ULK4: variants seen among roughly 807,000 people sequenced by gnomAD.
ULK4 encodes the protein inactive serine/threonine-protein kinase ULK4.
Under a neutral mutation model 160.6 loss-of-function variants are expected in ULK4, and 133 were observed. That is an observed-to-expected ratio of 0.83 (90% CI 0.72 to 0.96). ULK4 has a LOEUF of 0.96. Among genes scored for constraint, ULK4 ranks in the 40% least tolerant of loss-of-function variants. ULK4 has a pLI of 0.00. For missense variants in ULK4, 1,580 were observed against 1,499.5 expected, an observed-to-expected ratio of 1.05 and a Z score of -0.89; for synonymous variants, 534 against 539.8, an observed-to-expected ratio of 0.99 and a Z score of 0.15.
At chr3:41,911,781 A>G in intron 9 of ULK4, 122 bp from the exon 10 acceptor site, 1 of 738,298 alleles carries the variant, frequency 1.4e-6, no homozygotes, top group South Asian at 1.7e-5. Flanking sequence ...AAGTTACAGA[A>G]TCTCTTAACT....
Position 41,954,779 on chromosome 3 carries a change from A to G in ULK4, c.-20T>C. ...TTCCATCTCTGGGCCGACTTCTCAC[A>G]TACAATAGAATAACAGCATCTCTAG... On this transcript the variant is annotated 5_prime_UTR_variant, in exon 2 of 37. An upstream start codon of the reference 5' UTR is lost. Transcript: ENST00000301831. 2 of 1,601,212 alleles carry G rather than the reference A, an allele frequency of 1.2e-6. No homozygotes were observed. The highest frequency in any genetic ancestry group is 8.5e-7 in the Non-Finnish European group (1 of 1,174,508).
chr3:41,539,527 G>A (rs943109860), intron 32 of ULK4, among the ~76,000 whole-genome samples: 6 of 136,040 alleles, frequency 4.4e-5, no homozygotes, highest in Non-Finnish European at 9.6e-5. Flanking sequence ...ATAAAATCTA[G>A]AATGTGTCCA....
intron 32 of ULK4, among the ~76,000 whole-genome samples, chr3:41,498,359 T>C (rs2085065699): frequency 6.6e-6 from 1 of 152,118 alleles, no homozygotes; most frequent in Non-Finnish European, 1.5e-5. Flanking sequence ...AAATGAATGA[T>C]AATGAAAACA....
At chr3:41,654,629 G>A (rs1311951519) in intron 30 of ULK4, among the ~76,000 whole-genome samples, 1 of 152,148 alleles carries the variant, frequency 6.6e-6, no homozygotes, top group Non-Finnish European at 1.5e-5. Flanking sequence ...TCAAGAGACT[G>A]ATAAAAGAAG....
At chr3:41,612,502 G>A (rs895338312) in intron 31 of ULK4, among the ~76,000 whole-genome samples, 1 of 152,194 alleles carries the variant, frequency 6.6e-6, no homozygotes, top group African/African-American at 2.4e-5. Flanking sequence ...CTACCCATTA[G>A]TCCTCCAGAC....
chr3:41,378,919 G>C (rs1464575906), intron 35 of ULK4, among the ~76,000 whole-genome samples: 2 of 152,066 alleles, frequency 1.3e-5, no homozygotes, highest in Non-Finnish European at 2.9e-5. Context: ...CATGGATGAA[G>C]CTGGAAACCA....
intron 30 of ULK4, among the ~76,000 whole-genome samples, chr3:41,649,266 G>C (rs1336888644): frequency 1.3e-5 from 2 of 152,196 alleles, no homozygotes; most frequent in African/African-American, 4.8e-5. Flanking sequence ...CCTCTCCAAA[G>C]ATGCCAGCTG....
At chr3:41,304,204 C>T (rs987375193) in intron 35 of ULK4, among the ~76,000 whole-genome samples, 23 of 138,750 alleles carry the variant, frequency 1.7e-4, no homozygotes, top group African/African-American at 6.0e-4. Flanking sequence ...GCCCAGGAGA[C>T]GGAGGTTGCA....
chr3:41,874,556 T>G (rs1361135482), intron 17 of ULK4, among the ~76,000 whole-genome samples: 1 of 152,152 alleles, frequency 6.6e-6, no homozygotes, highest in Non-Finnish European at 1.5e-5. Context: ...TAAAATAAAT[T>G]TTTCAAATTA....
intron 22 of ULK4, among the ~76,000 whole-genome samples, chr3:41,736,753 A>C (rs1241116432): frequency 1.3e-5 from 2 of 151,366 alleles, no homozygotes; most frequent in Non-Finnish European, 2.9e-5. Context: ...TGTTTTAGAC[A>C]TGAAGTCCTT....
At chr3:41,322,637 CACT>C (rs1408500280) in intron 35 of ULK4, among the ~76,000 whole-genome samples, 5 of 152,176 alleles carry the variant, frequency 3.3e-5, no homozygotes, top group Admixed American at 6.5e-5. Context: ...TTCCCACAAA[CACT>C]AATGTTTGAG....
intron 17 of ULK4, among the ~76,000 whole-genome samples, chr3:41,878,508 A>G (rs1697392547): frequency 6.6e-6 from 1 of 152,164 alleles, no homozygotes; most frequent in South Asian, 2.1e-4. Flanking sequence ...CTGCCTTGCA[A>G]AACAAACTCT....
At chr3:41,657,994 C>G (rs915179713) in intron 30 of ULK4, among the ~76,000 whole-genome samples, 5 of 151,984 alleles carry the variant, frequency 3.3e-5, no homozygotes, top group Admixed American at 2.6e-4. Flanking sequence ...AAAAATTGAC[C>G]ATATATTAGG....
rs564016131 is a variant in ULK4 at position 41,422,708 on chromosome 3, G to C, written c.3493-24444C>G. Among the ~76,000 whole-genome samples, 227 of 152,240 alleles carry C rather than the reference G, an allele frequency of 1.5e-3. 2 individuals are homozygous for C. The highest frequency in any genetic ancestry group is 7.0e-3 in the Admixed American group (107 of 15,298). ...AAAATGTAGTGCTGGTAAAGATGTA[G>C]AAAAGCAAGTACATTTATACACTGT... On this transcript the variant is annotated intron_variant, in intron 34 of 36. Transcript: ENST00000301831.
chr3:41,815,472 T>C (rs1365131802), intron 19 of ULK4, among the ~76,000 whole-genome samples: 1 of 152,216 alleles, frequency 6.6e-6, no homozygotes. Flanking sequence ...GATTTCACTT[T>C]TTTTTACTAC....
chr3:41,382,615 T>C (rs988163279), intron 35 of ULK4, among the ~76,000 whole-genome samples: 2 of 152,166 alleles, frequency 1.3e-5, no homozygotes, highest in African/African-American at 4.8e-5. Flanking sequence ...CTAAACCTTG[T>C]TGAATAGTTC....
chr3:41,684,189 CGGAAGCTACA>C (rs1559483497), intron 27 of ULK4, among the ~76,000 whole-genome samples: 3 of 152,180 alleles, frequency 2.0e-5, no homozygotes, highest in Non-Finnish European at 4.4e-5. Context: ...TTTGCTCTTA[CGGAAGCTACA>C]CAGAAAGGCA....
At chr3:41,282,930 CA>C (rs2079387905) in intron 35 of ULK4, among the ~76,000 whole-genome samples, 1 of 138,970 alleles carries the variant, frequency 7.2e-6, no homozygotes, top group Non-Finnish European at 1.5e-5. Flanking sequence ...CTAGAATCTA[CA>C]AAAAACTTAA....
chr3:41,249,537 T>G lies in ULK4; in HGVS notation c.3716A>C (p.Asn1239Thr). ...CAGAGCCCGCAGGAGGCTGCCTGCA[T>G]TCTTGAGGCTCTCCAAGTGCTTCTC... ...SNEKHLESLK[N>T]AGSLLRALER... The change falls in exon 36 of 37, where the codon AAT (asparagine) becomes ACT (threonine). Residue 1239 changes from asparagine (N) to threonine (T), a missense_variant. Coordinates refer to ENST00000301831, the MANE Select transcript of ULK4 (RefSeq NM_017886.4). 6.2e-7 allele frequency: 1 copy of G among 1,614,118 alleles called. No individual in the cohort carries two copies. The highest frequency in any genetic ancestry group is 8.5e-7 in the Non-Finnish European group (1 of 1,179,996).
Sources: gnomAD v4.1 joint callset for allele counts (sites outside exome capture counted in the v4.1 genomes callset) on GRCh38, gnomAD v4.1.1 for gene constraint, MANE v1.5 for transcripts, NCBI Gene and HGNC (gene_info 2026-07-23, HGNC 2026-07-21) for gene names.